SLC22A25: variants seen among roughly 807,000 people sequenced by gnomAD.
SLC22A25 encodes the protein MGI:2442751, MGI:2385316, MGI:3042283, MGI:3645714, MGI:3605624, MGI:2442750.
A neutral mutation model predicts 45.9 loss-of-function variants in SLC22A25; 44 were observed. The ratio of observed to expected loss-of-function variants is 0.96; its 90% CI spans 0.75 to 1.23. The LOEUF is 1.23. SLC22A25 is among the 50% of genes most tolerant of loss of function. The pLI, the probability that SLC22A25 is intolerant of heterozygous loss-of-function variation, is 0.00. For missense variants in SLC22A25, 800 were observed against 666.4 expected, an observed-to-expected ratio of 1.20 and a Z score of -2.21; for synonymous variants, 283 against 238.6, an observed-to-expected ratio of 1.19 and a Z score of -1.72.
At chr11:63,199,787 A>C (rs1852068) in intron 7 of SLC22A25, among the ~76,000 whole-genome samples, 150,057 of 151,958 alleles carry the variant, frequency 0.99, 74,128 homozygotes, top group Middle Eastern at 1. Flanking sequence ...CACTACCCAA[A>C]AATCAATAGG....
chr11:63,237,349 G>T (rs905607626), intron 3 of SLC22A25, among the ~76,000 whole-genome samples: 1 of 152,170 alleles, frequency 6.6e-6, no homozygotes, highest in Non-Finnish European at 1.5e-5. Flanking sequence ...CCTTTAAGAG[G>T]TGAATAGGTT....
intron 7 of SLC22A25, among the ~76,000 whole-genome samples, chr11:63,209,251 T>C (rs1194394338): frequency 6.6e-6 from 1 of 152,108 alleles, no homozygotes; most frequent in Non-Finnish European, 1.5e-5. Context: ...CCTAGAGGGA[T>C]ACTGCAAGGC....
chr11:63,215,067 C>A (rs962796851), intron 7 of SLC22A25, among the ~76,000 whole-genome samples: 3 of 152,152 alleles, frequency 2.0e-5, no homozygotes, highest in Non-Finnish European at 4.4e-5. Context: ...TTTGACCCAG[C>A]AATCCCATTA....
intron 1 of SLC22A25, among the ~76,000 whole-genome samples, chr11:63,242,246 C>T (rs1049737584): frequency 1.3e-5 from 2 of 152,196 alleles, no homozygotes; most frequent in African/African-American, 4.8e-5. Flanking sequence ...ACACCGAAAA[C>T]CACATACTAA....
intron 5 of SLC22A25, among the ~76,000 whole-genome samples, chr11:63,220,325 G>A (rs533149398): frequency 6.6e-6 from 1 of 152,156 alleles, no homozygotes; most frequent in Non-Finnish European, 1.5e-5. Flanking sequence ...CAATGTCCAG[G>A]AGGGACTGCA....
Position 63,229,455 on chromosome 11 carries a change from G to T in SLC22A25, c.198C>A (p.Thr66=), listed in dbSNP as rs1370089378. 1 of 1,614,046 alleles carries T rather than the reference G, an allele frequency of 6.2e-7. No individual in the cohort carries two copies. Among genetic ancestry groups the T allele is most frequent in the Non-Finnish European group, 8.5e-7 (1 of 1,179,908 alleles). The change falls in exon 4 of 12, where the codon ACC becomes ACA. Residue 66 remains threonine (T), a synonymous_variant. Transcript: ENST00000306494. ...NDTIPDNDPG[T]LSQDALLRIS... The stretch of plus-strand genomic sequence containing the variant: ...TTCTCAGGAGGGCATCCTGGCTGAG[G>T]GTCCCAGGGTCATTGTCAGGGATAG...
At chr11:63,226,022 T>A (rs546282874) in intron 5 of SLC22A25, among the ~76,000 whole-genome samples, 1 of 152,304 alleles carries the variant, frequency 6.6e-6, no homozygotes, top group African/African-American at 2.4e-5. Flanking sequence ...TAAATTAATC[T>A]AATAGGATTC....
At chr11:63,220,410 T>A (rs1445012776) in intron 5 of SLC22A25, among the ~76,000 whole-genome samples, 1 of 152,212 alleles carries the variant, frequency 6.6e-6, no homozygotes, top group Non-Finnish European at 1.5e-5. Context: ...TAACTCTGTT[T>A]CATCTTTCTA....
chr11:63,166,282 A>T, intron 9 of SLC22A25, 24 bp from the exon 10 acceptor site: 1 of 1,612,438 alleles, frequency 6.2e-7, no homozygotes, highest in South Asian at 1.1e-5. Flanking sequence ...AGAAAAAGGC[A>T]CATATTATAA....
chr11:63,237,259 G>A (rs1282838969), intron 3 of SLC22A25, among the ~76,000 whole-genome samples: 1 of 152,104 alleles, frequency 6.6e-6, no homozygotes, highest in Admixed American at 6.5e-5. Flanking sequence ...CTCACTGCCT[G>A]GGTATAATAT....
At chr11:63,235,669 T>C (rs2090150708) in intron 3 of SLC22A25, among the ~76,000 whole-genome samples, 1 of 152,208 alleles carries the variant, frequency 6.6e-6, no homozygotes, top group Non-Finnish European at 1.5e-5. Context: ...CTGTCCAGCT[T>C]TGTTCTGTTG....
intron 9 of SLC22A25, among the ~76,000 whole-genome samples, chr11:63,178,930 A>G (rs886287995): frequency 5.3e-5 from 8 of 151,150 alleles, no homozygotes; most frequent in Middle Eastern, 3.4e-3. Context: ...TTCTTCTAGT[A>G]TTATCATAGT....
intron 7 of SLC22A25, among the ~76,000 whole-genome samples, chr11:63,188,842 G>A (rs1473184840): frequency 6.6e-6 from 1 of 152,200 alleles, no homozygotes; most frequent in Non-Finnish European, 1.5e-5. Context: ...CAGTTTCCAT[G>A]TAGTTGAGTG....
chr11:63,220,687 T>C (rs1306209653), intron 5 of SLC22A25, among the ~76,000 whole-genome samples: 1 of 152,194 alleles, frequency 6.6e-6, no homozygotes, highest in Non-Finnish European at 1.5e-5. Flanking sequence ...AGTCACCGTG[T>C]TGTGTGATCA....
At chr11:63,190,750 A>G (rs1258509332) in intron 7 of SLC22A25, among the ~76,000 whole-genome samples, 1 of 150,942 alleles carries the variant, frequency 6.6e-6, no homozygotes, top group Non-Finnish European at 1.5e-5. Flanking sequence ...TCTGTTTGTT[A>G]GTTTTCCTTC....
At position 63,161,789 on chromosome 11, in the gene SLC22A25, G is replaced by A. The variant is rs2087535773; in HGVS notation, c.*2035C>T. On this transcript the variant is annotated 3_prime_UTR_variant, in exon 12 of 12. Transcript: ENST00000306494. The stretch of plus-strand genomic sequence containing the variant: ...GAAAATGGACTAATACAATGATGCA[G>A]TGGAATTGCTGGGTCAAATGTTAGC... 6.6e-6 allele frequency among the ~76,000 whole-genome samples: 1 copy of A among 152,194 alleles called. No individual in the cohort carries two copies. Among genetic ancestry groups the A allele is most frequent in the East Asian group, 1.9e-4 (1 of 5,198 alleles).
intron 5 of SLC22A25, chr11:63,220,124 G>A: frequency 1.3e-6 from 1 of 795,154 alleles, no homozygotes; most frequent in South Asian, 1.5e-5. Context: ...TTTGTTGTAA[G>A]GTAGAGGTTG....
At chr11:63,173,580 GA>G (rs1163602460) in intron 9 of SLC22A25, among the ~76,000 whole-genome samples, 2 of 152,150 alleles carry the variant, frequency 1.3e-5, no homozygotes, top group African/African-American at 4.8e-5. Context: ...TGGCCAGAGA[GA>G]AAAACTTGGA....
chr11:63,175,949 G>A (rs1471972867), intron 9 of SLC22A25, among the ~76,000 whole-genome samples: 1 of 151,890 alleles, frequency 6.6e-6, no homozygotes, highest in Non-Finnish European at 1.5e-5. Flanking sequence ...TGGATATGTA[G>A]TTGCTTAGCA....
Sources: gnomAD v4.1 joint callset for allele counts (sites outside exome capture counted in the v4.1 genomes callset) on GRCh38, gnomAD v4.1.1 for gene constraint, MANE v1.5 for transcripts, NCBI Gene and HGNC (gene_info 2026-07-23, HGNC 2026-07-21) for gene names.